KANK1: variants seen among roughly 807,000 people sequenced by gnomAD.
KANK1 encodes KN motif and ankyrin repeat domains 1, also known as KN motif and ankyrin repeat domain-containing protein 1.
In KANK1, 109 loss-of-function variants were observed where a neutral mutation model predicts 106.2. That is an observed-to-expected ratio of 1.03 (90% CI 0.88 to 1.20). KANK1 has a LOEUF of 1.20. Among genes scored for constraint, KANK1 ranks in the 50% most tolerant of loss-of-function variants. KANK1 has a pLI of 0.00. For missense variants in KANK1, 2,399 were observed against 1,710.7 expected (o/e 1.40, Z -7.10); for synonymous variants, 873 against 652.2 (o/e 1.34, Z -5.16).
At chr9:521,823 C>T (rs921431875) in intron 1 of KANK1, among the ~76,000 whole-genome samples, 7 of 151,634 alleles carry the variant, frequency 4.6e-5, no homozygotes, top group African/African-American at 1.7e-4. Context: ...CCACCTCAGC[C>T]TGCCAAAGTG....
At chr9:741,830 G>A (rs892119785) in intron 9 of KANK1, among the ~76,000 whole-genome samples, 2 of 151,366 alleles carry the variant, frequency 1.3e-5, no homozygotes, top group Admixed American at 6.6e-5. Flanking sequence ...TGTTGCCCAA[G>A]CTGCTCTTGA....
rs1283979229 is a variant in KANK1, at chr9:740,877, C to A, written c.3639C>A (p.Asp1213Glu). 6.2e-7 allele frequency: 1 copy of A among 1,613,864 alleles called. No individual in the cohort carries two copies. Among genetic ancestry groups the A allele is most frequent in the Non-Finnish European group, 8.5e-7 (1 of 1,180,026 alleles). Residue 1213 changes from aspartate to glutamate, a missense_variant, in exon 9 of 12, where the codon GAC becomes GAA. Physicochemically the swap from Asp to Glu is conservative, Grantham distance 45 (BLOSUM62 2). Coordinates refer to ENST00000382297, the MANE Select transcript of KANK1 (RefSeq NM_015158.5). Reference protein sequence around the residue: ...AALAAVEAEKDMRIVEELFGC... With the variant: ...AALAAVEAEKEMRIVEELFGC... ...TCGCCGCTGTGGAAGCAGAGAAGGA[C>A]ATGCGGATTGTGGAAGAACTCTTCG...
At position 734,665 on chromosome 9, in the gene KANK1, C is replaced by CA. The variant is rs142267604; in HGVS notation, c.3246-73dup. 280,041 of 902,714 alleles carry CA rather than the reference C, an allele frequency of 0.31. 27,736 individuals carry two copies. Among genetic ancestry groups the CA allele is most frequent in the Non-Finnish European group, 0.34 (203,439 of 591,768 alleles). 55.9% of individuals were successfully genotyped at this position (902,714 alleles called of 1,614,324 possible). A position where few individuals can be genotyped will look rare whatever the true frequency, so the allele number is the denominator to read the frequency against. ...TGGGCGACAGAGCATGACCCTGTCT[C>CA]AAAAAAAAAATTAGATATTTGGGTT... On this transcript the variant is annotated intron_variant, in intron 6 of 11. Coordinates refer to ENST00000382297, the MANE Select transcript of KANK1 (RefSeq NM_015158.5).
intron 1 of KANK1, among the ~76,000 whole-genome samples, chr9:630,349 G>C (rs1467540859): frequency 6.6e-6 from 1 of 151,488 alleles, no homozygotes; most frequent in African/African-American, 2.4e-5. Flanking sequence ...AAGAGATGGA[G>C]ACCATCCTGG....
chr9:521,188 C>G (rs907926616), intron 1 of KANK1, among the ~76,000 whole-genome samples: 6 of 151,720 alleles, frequency 4.0e-5, no homozygotes, highest in African/African-American at 1.5e-4. Context: ...CTGTGAGGAA[C>G]AGAACGTTTG....
At chr9:643,711 G>GT (rs1049244640) in intron 1 of KANK1, among the ~76,000 whole-genome samples, 7 of 149,020 alleles carry the variant, frequency 4.7e-5, no homozygotes, top group East Asian at 1.9e-4. Context: ...TTTTTTTTGG[G>GT]TTTTTTTTAG....
chr9:519,724 A>G (rs112982642), intron 1 of KANK1, among the ~76,000 whole-genome samples: 21 of 151,860 alleles, frequency 1.4e-4, no homozygotes, highest in African/African-American at 5.1e-4. Flanking sequence ...TCAGTTAGAG[A>G]TTAATTACAT....
At chr9:487,509 C>A (rs1199875659) in intron 3 of KANK1, among the ~76,000 whole-genome samples, 4 of 152,146 alleles carry the variant, frequency 2.6e-5, no homozygotes, top group East Asian at 1.9e-4. Flanking sequence ...GATGTCATAA[C>A]CTCATCGTAA....
At chr9:696,833 C>A (rs546127445) in intron 2 of KANK1, among the ~76,000 whole-genome samples, 2 of 152,274 alleles carry the variant, frequency 1.3e-5, no homozygotes, top group Non-Finnish European at 2.9e-5. Context: ...GCAAAGCCAT[C>A]TGCCCCTGAA....
At chr9:667,000 A>AT (rs34529109) in intron 1 of KANK1, among the ~76,000 whole-genome samples, 37,465 of 137,802 alleles carry the variant, frequency 0.27, 5,842 homozygotes, top group South Asian at 0.45. Context: ...TTCCTCTTCA[A>AT]TTTTTTTTTT....
chr9:580,855 G>C (rs914815832), intron 1 of KANK1, among the ~76,000 whole-genome samples: 2 of 152,198 alleles, frequency 1.3e-5, no homozygotes, highest in African/African-American at 4.8e-5. Flanking sequence ...GGCTGCGCTG[G>C]AGCCCACGGC....
chr9:606,071 C>G (rs951138548), intron 1 of KANK1, among the ~76,000 whole-genome samples: 11 of 150,904 alleles, frequency 7.3e-5, no homozygotes, highest in African/African-American at 2.7e-4. Context: ...GTCTTCCCTT[C>G]TGAAAAATTA....
chr9:655,295 C>T (rs552466376), intron 1 of KANK1, among the ~76,000 whole-genome samples: 4 of 151,044 alleles, frequency 2.6e-5, no homozygotes, highest in East Asian at 2.0e-4. Flanking sequence ...CGCTTGAACC[C>T]GGGAGGCAGA....
chr9:618,650 C>G (rs1332163810), intron 1 of KANK1, among the ~76,000 whole-genome samples: 1 of 152,096 alleles, frequency 6.6e-6, no homozygotes, highest in Admixed American at 6.6e-5. Context: ...TTCACATGCA[C>G]AGTAGACATT....
At chr9:484,748 A>G (rs1476770882) in intron 3 of KANK1, among the ~76,000 whole-genome samples, 1 of 152,150 alleles carries the variant, frequency 6.6e-6, no homozygotes, top group African/African-American at 2.4e-5. Flanking sequence ...GGAACACGGT[A>G]CACCTCCCAC....
At chr9:671,538 C>T (rs1210359504) in intron 1 of KANK1, among the ~76,000 whole-genome samples, 6 of 28,798 alleles carry the variant, frequency 2.1e-4, no homozygotes, top group African/African-American at 1.0e-3. Context: ...ATGGCGTGAA[C>T]CCGGGAGGCG....
chr9:610,135 C>T (rs935381280), intron 1 of KANK1, among the ~76,000 whole-genome samples: 5 of 152,120 alleles, frequency 3.3e-5, no homozygotes, highest in Non-Finnish European at 7.4e-5. Context: ...GTGAAATCTT[C>T]AGGCCATAAT....
chr9:662,401 G>A (rs1449192896), intron 1 of KANK1, among the ~76,000 whole-genome samples: 1 of 152,132 alleles, frequency 6.6e-6, no homozygotes, highest in Non-Finnish European at 1.5e-5. Context: ...AAAGCTGGAG[G>A]CATCACGCTA....
chr9:711,055 A>G lies in KANK1; in HGVS notation c.289A>G (p.Ser97Gly). 6 of 1,614,202 alleles carry G rather than the reference A, an allele frequency of 3.7e-6. No individual in the cohort carries two copies. The highest frequency in any genetic ancestry group is 5.1e-6 in the Non-Finnish European group (6 of 1,180,034). The change falls in exon 3 of 12, where the codon AGT (serine) becomes GGT (glycine). Residue 97 changes from serine to glycine, a missense_variant. Transcript: ENST00000382297. ...TSTESLSSSN[S>G]DDNKQCPNFL... Reference sequence around the variant, plus strand: ...CACTGAATCCCTCTCATCCTCCAACAGTGATGACAACAAGCAGTGCCCCAA... The same window carrying G: ...CACTGAATCCCTCTCATCCTCCAACGGTGATGACAACAAGCAGTGCCCCAA...
Sources: allele counts gnomAD v4.1 joint callset (sites outside exome capture counted in the v4.1 genomes callset), GRCh38; gene constraint gnomAD v4.1.1; transcripts MANE v1.5; gene names NCBI Gene and HGNC (gene_info 2026-07-23, HGNC 2026-07-21).